Variants in GSTK1 observed in about 807,000 individuals in gnomAD.
The protein encoded by GSTK1 is glutathione S-transferase kappa 1.
GSTK1 carries 25 observed loss-of-function variants against 30.9 expected under a neutral mutation model. The ratio of observed to expected loss-of-function variants is 0.81; its 90% CI spans 0.59 to 1.13. The LOEUF (loss-of-function observed/expected upper bound fraction) is 1.13. GSTK1 is among the 50% of genes most tolerant of loss of function. GSTK1 has a pLI of 0.00. For synonymous variants in GSTK1, 108 were observed against 112.5 expected, an observed-to-expected ratio of 0.96 and a Z score of 0.25; for missense variants, 292 against 292.4, an observed-to-expected ratio of 1.00 and a Z score of 0.01.
chr7:143,265,162 T>G (rs1800837056), intron 4 of GSTK1, 70 bp downstream of exon 4: 1 of 1,611,524 alleles, frequency 6.2e-7, no homozygotes, highest in Non-Finnish European at 8.5e-7. Flanking sequence ...CAGGCACGTT[T>G]TCAGGGTCAT....
chr7:143,267,713 G>A lies in GSTK1; in HGVS notation c.517G>A (p.Glu173Lys). 6 of 1,613,178 alleles carry A rather than the reference G, an allele frequency of 3.7e-6. No homozygotes were observed. The highest frequency in any genetic ancestry group is 1.7e-4 in the Middle Eastern group (1 of 6,032). Reference sequence around the variant, plus strand: ...GAAGAACCAGCTCAAGGAGACCACTGAGGCAGCCTGCAGATACGGAGTGAG... The same window carrying A: ...GAAGAACCAGCTCAAGGAGACCACTAAGGCAGCCTGCAGATACGGAGTGAG... ...KVKNQLKETT[E>K]AACRYGAFGL... Residue 173 changes from glutamate (E) to lysine (K), a missense_variant, in exon 6 of 8, where the codon GAG becomes AAG. Physicochemically the swap from Glu to Lys is moderately conservative, Grantham distance 56. Transcript: ENST00000358406.
chr7:143,264,891 G>C (rs1800827195), intron 3 of GSTK1, 101 bp from the exon 4 acceptor site: 1 of 1,359,480 alleles, frequency 7.4e-7, no homozygotes, highest in Non-Finnish European at 1.0e-6. Flanking sequence ...GAGAGGCTGA[G>C]GGCGGAGGAG....
At chr7:143,264,815 C>T (rs967265222) in intron 3 of GSTK1, 139 bp downstream of exon 3, 3 of 1,342,698 alleles carry the variant, frequency 2.2e-6, no homozygotes, top group East Asian at 2.3e-5. Context: ...CAGCCTTGAG[C>T]GAGCTGAAGG....
At position 143,269,032 on chromosome 7, in the gene GSTK1, T is replaced by A; in HGVS notation, c.*195T>A. On this transcript the variant is annotated 3_prime_UTR_variant, in exon 8 of 8. Coordinates refer to ENST00000358406, the MANE Select transcript of GSTK1 (RefSeq NM_015917.3). ...TCCACCATTAGCCATGTGGCAACCT[T>A]TACTTCTATGCCTCACAAGTGCCTT... The A allele has an allele frequency of 1.6e-6, 1 of 613,000 alleles. No individual in the cohort carries two copies. Among genetic ancestry groups the A allele is most frequent in the Non-Finnish European group, 2.9e-6 (1 of 342,180 alleles). 38.0% of individuals were successfully genotyped at this position (613,000 alleles called of 1,614,324 possible).
rs775294553 is a variant in GSTK1 at position 143,268,019 on chromosome 7, C to CT, written c.538-71dup. On this transcript the variant is annotated intron_variant, in intron 6 of 7. Coordinates refer to ENST00000358406, the MANE Select transcript of GSTK1 (RefSeq NM_015917.3). The surrounding 1 kb of genome is among the most constrained non-coding windows in gnomAD (Gnocchi z 4.1). ...TTCTGTGAACTCAGAAAAGTACTGACTCAAAGGTTTCAACCCCTGCCTAAT... is the reference window on the plus strand; with the variant it reads ...TTCTGTGAACTCAGAAAAGTACTGACTTCAAAGGTTTCAACCCCTGCCTAAT... 123 of 1,180,274 alleles carry CT rather than the reference C, an allele frequency of 1.0e-4. No homozygotes were observed. Among genetic ancestry groups the CT allele is most frequent in the Non-Finnish European group, 1.5e-4 (123 of 811,928 alleles). The allele number at this position is 1,180,274 out of a possible 1,614,324, so 73.1% of individuals were successfully genotyped here.
At position 143,265,674 on chromosome 7, in the gene GSTK1, C is replaced by A. The variant is rs528441509; in HGVS notation, c.420+378C>A. ...CAGAGTGGAAGGCAGGAGACTTGTT[C>A]CAAGAGGCTTTAAAAAGACGAAAAG... On this transcript the variant is annotated intron_variant, in intron 5 of 7. Coordinates refer to ENST00000358406, the MANE Select transcript of GSTK1 (RefSeq NM_015917.3). Among the ~76,000 whole-genome samples the A allele has an allele frequency of 3.9e-5, 6 of 152,196 alleles. No homozygotes were observed. The East Asian group carries it at 9.7e-4, about 24-fold the overall frequency.
intron 2 of GSTK1, 139 bp from the exon 3 acceptor site, chr7:143,264,409 A>T (rs1015226735): frequency 1.1e-6 from 1 of 918,474 alleles, no homozygotes. Context: ...GCACCATTGC[A>T]CTCCAGCCTG....
Position 143,267,629 on chromosome 7 carries a change from G to T in GSTK1, c.433G>T (p.Ala145Ser). ...TATATTCCCTTAGGCTGCAGAGAAG[G>T]CTGGTATGTCTGCAGAACAAGCCCA... ...PQSILAAAEKAGMSAEQAQGL... is the reference protein window; with the variant it reads ...PQSILAAAEKSGMSAEQAQGL... Residue 145 changes from alanine to serine, a missense_variant, in exon 6 of 8, where the codon GCT becomes TCT. Ala to Ser is a moderately conservative substitution (Grantham distance 99, BLOSUM62 1). Coordinates refer to ENST00000358406, the MANE Select transcript of GSTK1 (RefSeq NM_015917.3). The T allele has an allele frequency of 1.2e-6, 2 of 1,612,858 alleles. No homozygotes were observed. Among genetic ancestry groups the T allele is most frequent in the Non-Finnish European group, 1.7e-6 (2 of 1,178,818 alleles).
intron 3 of GSTK1, 153 bp downstream of exon 3, chr7:143,264,829 C>G: frequency 7.7e-7 from 1 of 1,300,268 alleles, no homozygotes; most frequent in Non-Finnish European, 1.1e-6. Flanking sequence ...CTGAAGGTTG[C>G]CGGGCATGAA....
At chr7:143,266,756 G>C (rs956575303) in intron 5 of GSTK1, among the ~76,000 whole-genome samples, 2 of 148,540 alleles carry the variant, frequency 1.3e-5, no homozygotes, top group Non-Finnish European at 3.0e-5. Context: ...CAACCTCTTG[G>C]GCTCAAGTGA....
intron 1 of GSTK1, 89 bp from the exon 2 acceptor site, chr7:143,263,997 T>C: frequency 8.7e-7 from 1 of 1,144,142 alleles, no homozygotes; most frequent in Non-Finnish European, 1.3e-6. Context: ...TAACCCCTGC[T>C]CTGCACTTAG....
rs535586941 is a variant in GSTK1 at position 143,268,962 on chromosome 7, G to A, written c.*125G>A. On this transcript the variant is annotated 3_prime_UTR_variant, in exon 8 of 8. Transcript: ENST00000358406. The surrounding 1 kb of genome is among the most constrained non-coding windows in gnomAD (Gnocchi z 4.1). ...GATAGAGGTATTTTCTGTGGCCCTG[G>A]GAGCTGTCTGTCTTTCCCCTACCCC... 41 of 820,128 alleles carry A rather than the reference G, an allele frequency of 5.0e-5. No individual in the cohort carries two copies. Among genetic ancestry groups the A allele is most frequent in the Non-Finnish European group, 7.8e-5 (38 of 486,250 alleles). The allele number at this position is 820,128 out of a possible 1,614,324, so 50.8% of individuals were successfully genotyped here.
chr7:143,268,164 A>G lies in GSTK1; in HGVS notation c.611A>G (p.Glu204Gly), dbSNP rs1458124641. ...THMLFGSDRM[E>G]LLAHLLGEKW... Reference sequence around the variant, plus strand: ...ATGTTATTTGGCTCTGACCGGATGGAGCTGCTGGCGCACCTGCTGGGTAAG... The same window carrying G: ...ATGTTATTTGGCTCTGACCGGATGGGGCTGCTGGCGCACCTGCTGGGTAAG... The change falls in exon 7 of 8, where the codon GAG becomes GGG. Residue 204 changes from glutamate to glycine, a missense_variant. Glu to Gly is a moderately conservative substitution (Grantham distance 98). Transcript: ENST00000358406. This position sits in a 1 kb window ranked among gnomAD's most constrained non-coding sequence, Gnocchi z 4.1. 8.7e-6 allele frequency: 14 copies of G among 1,613,822 alleles called. No homozygotes were observed. The highest frequency in any genetic ancestry group is 1.2e-5 in the Non-Finnish European group (14 of 1,179,946).
At chr7:143,265,645 C>T (rs1800854430) in intron 5 of GSTK1, among the ~76,000 whole-genome samples, 1 of 152,176 alleles carries the variant, frequency 6.6e-6, no homozygotes, top group South Asian at 2.1e-4. Flanking sequence ...CTCACCAACA[C>T]ATCCAGAGTG....
At chr7:143,264,222 C>A (rs760791225) in intron 2 of GSTK1, 55 bp downstream of exon 2, 33 of 1,456,912 alleles carry the variant, frequency 2.3e-5, no homozygotes, top group Non-Finnish European at 3.1e-5. Context: ...AGAGCCGACC[C>A]CAGCGGGTCC....
intron 5 of GSTK1, among the ~76,000 whole-genome samples, chr7:143,266,653 C>CTTTTTTTTTTTTTTTTTTTTT (rs35527374): frequency 6.3e-5 from 4 of 63,332 alleles, no homozygotes; most frequent in Admixed American, 1.8e-4. Context: ...TTCTTTCTTT[C>CTTTTTTTTTTTTTTTTTTTTT]TTTTTTTTTT....
At chr7:143,266,549 T>C (rs945796429) in intron 5 of GSTK1, among the ~76,000 whole-genome samples, 1 of 152,056 alleles carries the variant, frequency 6.6e-6, no homozygotes, top group Non-Finnish European at 1.5e-5. Context: ...GTTGCAGTGG[T>C]TGTCAATCTT....
chr7:143,263,806 A>C, intron 1 of GSTK1: 1 of 603,628 alleles, frequency 1.7e-6, no homozygotes, highest in South Asian at 2.0e-5. Flanking sequence ...GCAGTTTCCC[A>C]CGGTGGTGGA....
At chr7:143,264,241 G>A in intron 2 of GSTK1, 74 bp downstream of exon 2, 1 of 1,302,422 alleles carries the variant, frequency 7.7e-7, no homozygotes, top group Non-Finnish European at 1.1e-6. Context: ...CCTTATATTG[G>A]CACTGGCAGC....
Sources: allele counts gnomAD v4.1 joint callset (sites outside exome capture counted in the v4.1 genomes callset), GRCh38; gene constraint gnomAD v4.1.1; non-coding constraint Gnocchi (gnomAD v3.1); transcripts MANE v1.5; gene names NCBI Gene and HGNC (gene_info 2026-07-23, HGNC 2026-07-21).